The following GSDMC variants were observed in gnomAD, a reference collection of about 807,000 sequenced individuals.
GSDMC encodes the protein gasdermin C, also known as gasdermin-C.
A neutral mutation model predicts 58.0 loss-of-function variants in GSDMC; 59 were observed. That is an observed-to-expected ratio of 1.02 (90% CI 0.82 to 1.26). The LOEUF (loss-of-function observed/expected upper bound fraction) is 1.26. Among genes scored for constraint, GSDMC ranks in the 50% most tolerant of loss-of-function variants. The pLI, the probability that GSDMC is intolerant of heterozygous loss-of-function variation, is 0.00. For missense variants in GSDMC, 659 were observed against 598.5 expected, an observed-to-expected ratio of 1.10 and a Z score of -1.06; for synonymous variants, 241 against 220.2, an observed-to-expected ratio of 1.09 and a Z score of -0.83.
intron 1 of GSDMC, among the ~76,000 whole-genome samples, chr8:129,781,626 T>A (rs565086805): frequency 6.6e-6 from 1 of 152,036 alleles, no homozygotes; most frequent in African/African-American, 2.4e-5. Flanking sequence ...GCACCTGTAG[T>A]CCCAGTTACT....
the GSDMC span, chr8:129,706,541 G>A: frequency 6.6e-6 from 1 of 152,068 alleles, no homozygotes; most frequent in Non-Finnish European, 1.5e-5. Context: ...TCCTTTCCTG[G>A]CCCAGATACT....
At chr8:129,723,498 C>A in the GSDMC span, among the ~76,000 whole-genome samples, 1 of 148,572 alleles carries the variant, frequency 6.7e-6, no homozygotes, top group East Asian at 2.0e-4. Context: ...GAACTCCTGA[C>A]CTCATGATCC....
At chr8:129,746,187 T>A (rs766262152), downstream of GSDMC, among the ~76,000 whole-genome samples, 1 of 151,962 alleles carries the variant, frequency 6.6e-6, no homozygotes, top group Non-Finnish European at 1.5e-5. Flanking sequence ...AAAAGAACAG[T>A]TTTATGCCAT....
chr8:129,760,890 T>G (rs957536917), intron 5 of GSDMC, among the ~76,000 whole-genome samples: 8 of 152,216 alleles, frequency 5.3e-5, no homozygotes, highest in African/African-American at 1.7e-4. Context: ...CTGATCTGCC[T>G]TACTTACCAC....
chr8:129,770,816 T>A (rs1355836269), intron 3 of GSDMC, among the ~76,000 whole-genome samples: 1 of 151,816 alleles, frequency 6.6e-6, no homozygotes, highest in Non-Finnish European at 1.5e-5. Flanking sequence ...ACAGATTAAA[T>A]TTTCCAAACT....
Position 129,748,660 on chromosome 8 carries a change from G to C in GSDMC, c.1368C>G (p.Leu456=). 6.2e-7 allele frequency: 1 copy of C among 1,609,958 alleles called. No individual in the cohort carries two copies. The highest frequency in any genetic ancestry group is 1.1e-5 in the South Asian group (1 of 90,306). Residue 456 remains leucine, a synonymous_variant, in exon 14 of 14, where the codon CTC becomes CTG. Transcript: ENST00000276708. ...AGGTGATGGCCAAACCCTCACTCTG[G>C]AGTGGGGCGAGGAGCTCAGGTTTGA... ...FTLKPELLAP[L]QSEGLAITYG...
At chr8:129,729,345 T>C in the GSDMC span, 3 of 464,392 alleles carry the variant, frequency 6.5e-6, no homozygotes, top group South Asian at 5.5e-5. Context: ...AGTTCTAGGG[T>C]ACATGTGCAC....
chr8:129,761,955 T>A (rs2033679374), intron 5 of GSDMC, among the ~76,000 whole-genome samples: 1 of 152,052 alleles, frequency 6.6e-6, no homozygotes, highest in Non-Finnish European at 1.5e-5. Flanking sequence ...CTGAACTCGA[T>A]CTGTATTAAA....
At chr8:129,707,386 T>C in the GSDMC span, among the ~76,000 whole-genome samples, 1 of 152,166 alleles carries the variant, frequency 6.6e-6, no homozygotes, top group Non-Finnish European at 1.5e-5. Context: ...TGAAGATTTT[T>C]TTCTTCCTTT....
rs185964922 is a variant in GSDMC, at chr8:129,767,067, G to A, written c.405-1274C>T. 5.3e-5 allele frequency among the ~76,000 whole-genome samples: 8 copies of A among 152,020 alleles called. No homozygotes were observed. In the East Asian group the frequency reaches 1.6e-3, roughly 30 times the overall value. ...CAGACCCAAGCCAACAAATTTGTCT[G>A]GCCAGGAAGTATGGTAGGCAGTTTC... On this transcript the variant is annotated intron_variant, in intron 3 of 13. Coordinates refer to ENST00000276708, the MANE Select transcript of GSDMC (RefSeq NM_031415.3).
At position 129,765,811 on chromosome 8, in the gene GSDMC, G is replaced by A; in HGVS notation, c.405-18C>T. On this transcript the variant is annotated intron_variant, in intron 3 of 13. Coordinates refer to ENST00000276708, the MANE Select transcript of GSDMC (RefSeq NM_031415.3). ...ACAGTTTCCTGGGGATTTAAGGAAG[G>A]AGGACAAGAGTCAGAGTGGGAAAGT... 1 of 1,609,210 alleles carries A rather than the reference G, an allele frequency of 6.2e-7. No individual in the cohort carries two copies. Among genetic ancestry groups the A allele is most frequent in the Non-Finnish European group, 8.5e-7 (1 of 1,177,266 alleles).
intron 6 of GSDMC, 33 bp downstream of exon 6, chr8:129,760,511 TA>T: frequency 2.9e-6 from 4 of 1,382,458 alleles, no homozygotes; most frequent in African/African-American, 1.4e-5. Flanking sequence ...CTCATAAAAA[TA>T]AAAAAATAAA....
chr8:129,706,549 A>G, the GSDMC span: 1 of 152,174 alleles, frequency 6.6e-6, no homozygotes, highest in Non-Finnish European at 1.5e-5. Flanking sequence ...TGGCCCAGAT[A>G]CTTGCCATTT....
downstream of GSDMC, among the ~76,000 whole-genome samples, chr8:129,744,334 A>G (rs1407035285): frequency 6.6e-6 from 1 of 152,220 alleles, no homozygotes; most frequent in Non-Finnish European, 1.5e-5. Context: ...AAGCTATTTA[A>G]TCAAGCTAAA....
At chr8:129,733,973 C>T in the GSDMC span, among the ~76,000 whole-genome samples, 1 of 152,090 alleles carries the variant, frequency 6.6e-6, no homozygotes, top group Non-Finnish European at 1.5e-5. Flanking sequence ...GTGTAGAGAA[C>T]ACCTTAAATG....
chr8:129,731,748 C>A, the GSDMC span, among the ~76,000 whole-genome samples: 1 of 152,084 alleles, frequency 6.6e-6, no homozygotes, highest in South Asian at 2.1e-4. Context: ...GTAAAAACAC[C>A]CTCACAGAAA....
intron 4 of GSDMC, among the ~76,000 whole-genome samples, chr8:129,764,797 T>C (rs1361947287): frequency 1.3e-5 from 2 of 152,246 alleles, no homozygotes; most frequent in African/African-American, 4.8e-5. Context: ...ATATTCTTAC[T>C]TGCAGTCCCA....
At chr8:129,718,993 C>T in the GSDMC span, among the ~76,000 whole-genome samples, 29 of 152,080 alleles carry the variant, frequency 1.9e-4, no homozygotes, top group African/African-American at 5.8e-4. Flanking sequence ...TGAGAACACA[C>T]GGACACAGGG....
At chr8:129,765,345 T>C (rs896534805) in intron 4 of GSDMC, among the ~76,000 whole-genome samples, 2 of 152,202 alleles carry the variant, frequency 1.3e-5, no homozygotes, top group Non-Finnish European at 2.9e-5. Context: ...CTGCAGAATT[T>C]ATCATTTACC....
Sources: allele counts gnomAD v4.1 joint callset (sites outside exome capture counted in the v4.1 genomes callset), GRCh38; gene constraint gnomAD v4.1.1; transcripts MANE v1.5; gene names NCBI Gene and HGNC (gene_info 2026-07-23, HGNC 2026-07-21).